The following CCSER1 variants were observed in gnomAD, a reference collection of about 807,000 sequenced individuals.
CCSER1 encodes the protein serine-rich coiled-coil domain-containing protein 1.
A neutral mutation model predicts 82.0 loss-of-function variants in CCSER1; 41 were observed. That is an observed-to-expected ratio of 0.50 (90% CI 0.39 to 0.65). The LOEUF (loss-of-function observed/expected upper bound fraction) is 0.65. CCSER1 is among the 30% of genes least tolerant of loss of function. The pLI is 0.00. For missense variants in CCSER1, 1,119 were observed against 1,064.2 expected, an observed-to-expected ratio of 1.05 and a Z score of -0.72; for synonymous variants, 414 against 383.9, an observed-to-expected ratio of 1.08 and a Z score of -0.92.
intron 8 of CCSER1, among the ~76,000 whole-genome samples, chr4:90,887,897 A>G (rs1051311779): frequency 7.2e-5 from 11 of 152,106 alleles, no homozygotes; most frequent in African/African-American, 1.7e-4. Context: ...ACAAAACAAA[A>G]CAACAACAAC....
chr4:90,696,933 GA>G (rs1188642786), intron 6 of CCSER1, among the ~76,000 whole-genome samples: 1 of 152,078 alleles, frequency 6.6e-6, no homozygotes, highest in Admixed American at 6.6e-5. Context: ...TTACAGCTGG[GA>G]AAAAAATGAA....
At chr4:91,067,141 G>A (rs1356867259) in intron 9 of CCSER1, among the ~76,000 whole-genome samples, 1 of 150,364 alleles carries the variant, frequency 6.7e-6, no homozygotes, top group Non-Finnish European at 1.5e-5. Flanking sequence ...TACAGCCTGG[G>A]CGACAGAGCC....
intron 10 of CCSER1, among the ~76,000 whole-genome samples, chr4:91,405,746 A>G (rs954484358): frequency 6.6e-6 from 1 of 152,160 alleles, no homozygotes; most frequent in African/African-American, 2.4e-5. Context: ...TTAGGGTAAG[A>G]GTGTCCGAAT....
At chr4:90,271,508 T>G (rs1726271183) in intron 1 of CCSER1, among the ~76,000 whole-genome samples, 1 of 151,828 alleles carries the variant, frequency 6.6e-6, no homozygotes, top group African/African-American at 2.4e-5. Flanking sequence ...GTTAAAGACT[T>G]AAATCTGAGA....
At chr4:91,353,420 T>G (rs1748614764) in intron 10 of CCSER1, among the ~76,000 whole-genome samples, 1 of 152,190 alleles carries the variant, frequency 6.6e-6, no homozygotes, top group Non-Finnish European at 1.5e-5. Context: ...TAACGTCGGT[T>G]TCTAAGTTAT....
chr4:91,306,456 G>A (rs1240772204), intron 10 of CCSER1, among the ~76,000 whole-genome samples: 2 of 152,026 alleles, frequency 1.3e-5, no homozygotes, highest in South Asian at 2.1e-4. Flanking sequence ...AAAGTAAATA[G>A]CAAATGTTTT....
chr4:91,568,217 GT>G (rs1762990356), intron 10 of CCSER1, among the ~76,000 whole-genome samples: 1 of 152,050 alleles, frequency 6.6e-6, no homozygotes, highest in African/African-American at 2.4e-5. Flanking sequence ...GAGGTTCGCT[GT>G]TAGCCTGCTG....
chr4:90,744,075 G>C (rs1003621617), intron 7 of CCSER1, among the ~76,000 whole-genome samples: 3 of 152,106 alleles, frequency 2.0e-5, no homozygotes, highest in Non-Finnish European at 2.9e-5. Flanking sequence ...AAGGTACTGG[G>C]GGCTGGGAAT....
chr4:91,044,428 CCAA>C (rs2150585027), intron 9 of CCSER1, among the ~76,000 whole-genome samples: 1 of 152,266 alleles, frequency 6.6e-6, no homozygotes, highest in South Asian at 2.1e-4. Flanking sequence ...TTACACTTAT[CCAA>C]CTTTTATAAT....
intron 1 of CCSER1, among the ~76,000 whole-genome samples, chr4:90,139,191 T>C (rs1035378396): frequency 2.0e-5 from 3 of 152,220 alleles, no homozygotes; most frequent in Non-Finnish European, 4.4e-5. Context: ...TAAGTCATCA[T>C]AGAGAAACTC....
rs151183812 is a variant in CCSER1 at position 90,148,941 on chromosome 4, C to T, written c.-42+21110C>T. Reference sequence around the variant, plus strand: ...TGCTTATTTTTACAAGTAGGTCACACCCTAACTAAAAGACATGAATAATGA... The same window carrying T: ...TGCTTATTTTTACAAGTAGGTCACATCCTAACTAAAAGACATGAATAATGA... On this transcript the variant is annotated intron_variant, in intron 1 of 10. Transcript: ENST00000509176. Among the ~76,000 whole-genome samples, 12 of 152,182 alleles carry T rather than the reference C, an allele frequency of 7.9e-5. No homozygotes were observed. The East Asian group carries it at 2.1e-3, about 27-fold the overall frequency.
chr4:91,465,737 A>C, intron 10 of CCSER1, among the ~76,000 whole-genome samples: 1 of 152,192 alleles, frequency 6.6e-6, no homozygotes, highest in South Asian at 2.1e-4. Flanking sequence ...CTATACAAAT[A>C]AACTAGAAAA....
chr4:90,206,174 G>C (rs1473902399), intron 1 of CCSER1, among the ~76,000 whole-genome samples: 3 of 151,924 alleles, frequency 2.0e-5, no homozygotes, highest in Admixed American at 2.0e-4. Context: ...TTTTTTGAAG[G>C]GTTTTTTTGT....
chr4:91,453,551 C>G (rs1755980090), intron 10 of CCSER1, among the ~76,000 whole-genome samples: 1 of 151,982 alleles, frequency 6.6e-6, no homozygotes, highest in African/African-American at 2.4e-5. Flanking sequence ...GCCAGGCATA[C>G]TGACTTTTAA....
chr4:90,506,459 C>T (rs1250633091), intron 5 of CCSER1, among the ~76,000 whole-genome samples: 1 of 152,036 alleles, frequency 6.6e-6, no homozygotes, highest in Non-Finnish European at 1.5e-5. Flanking sequence ...AAATGTTTTT[C>T]AGCATTTAAA....
At chr4:90,282,150 G>T (rs978306473) in intron 1 of CCSER1, among the ~76,000 whole-genome samples, 1 of 151,942 alleles carries the variant, frequency 6.6e-6, no homozygotes. Flanking sequence ...CAGCTTAATT[G>T]CATCTGCATA....
intron 9 of CCSER1, among the ~76,000 whole-genome samples, chr4:90,992,612 T>A (rs934457779): frequency 1.3e-5 from 2 of 152,012 alleles, no homozygotes; most frequent in African/African-American, 2.4e-5. Flanking sequence ...AAAGGGTTAT[T>A]ATAAGATATT....
intron 4 of CCSER1, among the ~76,000 whole-genome samples, chr4:90,418,756 T>C (rs1215923048): frequency 6.6e-6 from 1 of 152,070 alleles, no homozygotes; most frequent in Non-Finnish European, 1.5e-5. Flanking sequence ...TTTTAAGTTA[T>C]GGGCATCACT....
chr4:90,541,313 C>T (rs1455780356), intron 5 of CCSER1, among the ~76,000 whole-genome samples: 1 of 152,028 alleles, frequency 6.6e-6, no homozygotes. Context: ...TTCGCTACTG[C>T]TCATTAAGAT....
Sources: allele counts gnomAD v4.1 joint callset (sites outside exome capture counted in the v4.1 genomes callset), GRCh38; gene constraint gnomAD v4.1.1; transcripts MANE v1.5; gene names NCBI Gene and HGNC (gene_info 2026-07-23, HGNC 2026-07-21).